RAB5C: variants seen among roughly 807,000 people sequenced by gnomAD.
RAB5C encodes RAB5C, member RAS oncogene family.
In RAB5C, 4 loss-of-function variants were observed where a neutral mutation model predicts 25.2. The ratio of observed to expected loss-of-function variants is 0.16; its 90% confidence interval spans 0.08 to 0.36. RAB5C has a LOEUF of 0.36. Among genes scored for constraint, RAB5C ranks in the 10% least tolerant of loss-of-function variants. The pLI is 1.00. For synonymous variants in RAB5C, 100 were observed against 106.4 expected (o/e 0.94, Z 0.37); for missense variants, 199 against 283.8 (o/e 0.70, Z 2.15).
At chr17:42,127,719 G>T (rs1181375245) in intron 4 of RAB5C, among the ~76,000 whole-genome samples, 1 of 151,274 alleles carries the variant, frequency 6.6e-6, no homozygotes. Flanking sequence ...TTTAGACATG[G>T]GGTTTCGCCA....
At chr17:42,148,562 G>A (rs1197929739) in intron 1 of RAB5C, among the ~76,000 whole-genome samples, 3 of 152,288 alleles carry the variant, frequency 2.0e-5, no homozygotes, top group South Asian at 2.1e-4. Flanking sequence ...AACAGGACCC[G>A]ATCTGTGCCC....
At chr17:42,144,925 C>CAAAA (rs544870361) in intron 1 of RAB5C, among the ~76,000 whole-genome samples, 1 of 31,102 alleles carries the variant, frequency 3.2e-5, no homozygotes, top group Non-Finnish European at 6.6e-5. Flanking sequence ...GACTCCGTCT[C>CAAAA]AAAAAAAAAA....
intron 1 of RAB5C, among the ~76,000 whole-genome samples, chr17:42,139,672 G>A (rs2054573137): frequency 6.6e-6 from 1 of 152,198 alleles, no homozygotes; most frequent in African/African-American, 2.4e-5. Context: ...ATGTTAGTCA[G>A]GATGGTCTCG....
At chr17:42,149,130 G>A (rs1401760636) in intron 1 of RAB5C, among the ~76,000 whole-genome samples, 1 of 152,124 alleles carries the variant, frequency 6.6e-6, no homozygotes, top group Non-Finnish European at 1.5e-5. Context: ...GTTTTTGCAA[G>A]CATGATTACC....
intron 1 of RAB5C, among the ~76,000 whole-genome samples, chr17:42,147,086 A>G (rs1305701488): frequency 2.6e-5 from 4 of 151,716 alleles, no homozygotes; most frequent in Admixed American, 2.6e-4. Flanking sequence ...GAAAGAAAGA[A>G]AGAAAGAAAG....
At chr17:42,141,689 C>T (rs1232000436) in intron 1 of RAB5C, among the ~76,000 whole-genome samples, 1 of 152,176 alleles carries the variant, frequency 6.6e-6, no homozygotes, top group Non-Finnish European at 1.5e-5. Context: ...TCTGGAGGCA[C>T]CACTTACTAG....
In RAB5C at chr17:42,130,517, T is replaced by C. The variant is rs771607685; in HGVS notation, c.-15A>G. Reference sequence around the variant, plus strand: ...CGACCCGCCATTGCCCGTCCAGCTGTAGTGGTCCAGAGAGCGTGCGGGTGG... The same window carrying C: ...CGACCCGCCATTGCCCGTCCAGCTGCAGTGGTCCAGAGAGCGTGCGGGTGG... On this transcript the variant is annotated 5_prime_UTR_variant, in exon 2 of 6. Transcript: ENST00000346213. The C allele has an allele frequency of 4.3e-6, 7 of 1,613,798 alleles. No homozygotes were observed. Among genetic ancestry groups the C allele is most frequent in the Non-Finnish European group, 5.1e-6 (6 of 1,179,976 alleles).
At chr17:42,147,369 T>C (rs986370694) in intron 1 of RAB5C, among the ~76,000 whole-genome samples, 2 of 152,160 alleles carry the variant, frequency 1.3e-5, no homozygotes, top group African/African-American at 4.8e-5. Flanking sequence ...CAGAACAGTA[T>C]CCACAGGCAG....
chr17:42,142,409 A>G (rs1173977619), intron 1 of RAB5C, among the ~76,000 whole-genome samples: 1 of 152,200 alleles, frequency 6.6e-6, no homozygotes, highest in African/African-American at 2.4e-5. Context: ...GAAGCAGTTC[A>G]GTTGTTGAGA....
chr17:42,140,906 G>A lies in RAB5C; in HGVS notation c.-88-10316C>T, dbSNP rs575644046. Among the ~76,000 whole-genome samples, 13 of 152,032 alleles carry A rather than the reference G, an allele frequency of 8.6e-5. No individual in the cohort carries two copies. The East Asian group carries it at 1.4e-3, about 16-fold the overall frequency. On this transcript the variant is annotated intron_variant, in intron 1 of 5. Transcript: ENST00000346213. Reference sequence around the variant, plus strand: ...TGCAGTGACGCAATCATAGCTTACCGCTACCTTGACTTCCTGGGCTCAAGC... The same window carrying A: ...TGCAGTGACGCAATCATAGCTTACCACTACCTTGACTTCCTGGGCTCAAGC...
At chr17:42,128,589 C>T in intron 3 of RAB5C, 60 bp downstream of exon 3, 1 of 1,365,778 alleles carries the variant, frequency 7.3e-7, no homozygotes. Flanking sequence ...CTCTGATAAC[C>T]CAATCCCTGG....
At chr17:42,129,326 G>T (rs2054462574) in intron 2 of RAB5C, among the ~76,000 whole-genome samples, 1 of 152,102 alleles carries the variant, frequency 6.6e-6, no homozygotes, top group Non-Finnish European at 1.5e-5. Context: ...GCTGAGGCTG[G>T]GTGGCCGGCT....
At position 42,128,700 on chromosome 17, in the gene RAB5C, C is replaced by G; in HGVS notation, c.267G>C (p.Met89Ile). ...TGGCAGCCTGGGCCCCCCGATAGTACATGGGGGCCAGGCTGTGATACCGCT... is the reference window on the plus strand; with the variant it reads ...TGGCAGCCTGGGCCCCCCGATAGTAGATGGGGGCCAGGCTGTGATACCGCT... ...GQERYHSLAP[M>I]YYRGAQAAIV... The change falls in exon 3 of 6, where the codon ATG (methionine) becomes ATC (isoleucine). Residue 89 changes from methionine to isoleucine, a missense_variant. Physicochemically the swap from Met to Ile is conservative, Grantham distance 10. Transcript: ENST00000346213. 6.4e-7 allele frequency: 1 copy of G among 1,561,076 alleles called. No homozygotes were observed. The highest frequency in any genetic ancestry group is 1.2e-5 in the South Asian group (1 of 82,952).
intron 2 of RAB5C, among the ~76,000 whole-genome samples, chr17:42,129,994 A>G (rs1264011314): frequency 6.6e-6 from 1 of 152,196 alleles, no homozygotes; most frequent in Non-Finnish European, 1.5e-5. Flanking sequence ...TGGACCACCC[A>G]TTATAGTAAG....
chr17:42,143,077 C>T (rs1299897018), intron 1 of RAB5C, among the ~76,000 whole-genome samples: 1 of 152,168 alleles, frequency 6.6e-6, no homozygotes, highest in African/African-American at 2.4e-5. Context: ...GGGGTAAGAG[C>T]AGTATGAATG....
chr17:42,154,269 A>G (rs2079691789), intron 1 of RAB5C, among the ~76,000 whole-genome samples: 1 of 152,244 alleles, frequency 6.6e-6, no homozygotes, highest in Admixed American at 6.5e-5. Context: ...CAACATAACT[A>G]GAGGACAGGG....
At chr17:42,126,055 C>T (rs908323883) in intron 5 of RAB5C, among the ~76,000 whole-genome samples, 157 bp from the exon 6 acceptor site, 1 of 152,114 alleles carries the variant, frequency 6.6e-6, no homozygotes, top group African/African-American at 2.4e-5. Flanking sequence ...CAGGAAACTG[C>T]GGCAAAGTAA....
rs1291410748 is a variant in RAB5C at position 42,130,700 on chromosome 17, G to A, written c.-88-110C>T. 3.7e-6 allele frequency: 5 copies of A among 1,356,500 alleles called. No individual in the cohort carries two copies. In the African/African-American group the frequency reaches 4.4e-5, roughly 12 times the overall value. The allele number at this position is 1,356,500 out of a possible 1,614,324, so 84.0% of individuals were successfully genotyped here. ...GGCCTCACTGAAGACCTAGCTGACT[G>A]CTTCCCCTCACCTCACCTCCCTGCC... On this transcript the variant is annotated intron_variant, in intron 1 of 5. Coordinates refer to ENST00000346213, the MANE Select transcript of RAB5C (RefSeq NM_004583.4).
At chr17:42,133,912 G>A (rs181626929) in intron 1 of RAB5C, among the ~76,000 whole-genome samples, 1 of 152,258 alleles carries the variant, frequency 6.6e-6, no homozygotes, top group East Asian at 1.9e-4. Context: ...GCTCTCCCTG[G>A]CATGAACTAG....
Sources: allele counts gnomAD v4.1 joint callset (sites outside exome capture counted in the v4.1 genomes callset), GRCh38; gene constraint gnomAD v4.1.1; transcripts MANE v1.5; gene names NCBI Gene and HGNC (gene_info 2026-07-23, HGNC 2026-07-21).